Variants in CTSC observed in about 807,000 individuals in gnomAD.
CTSC encodes cathepsin C, also known as dipeptidyl peptidase 1.
In CTSC, 37 loss-of-function variants were observed where a neutral mutation model predicts 40.9. The ratio of observed to expected loss-of-function variants is 0.91; its 90% CI spans 0.70 to 1.19. The LOEUF (loss-of-function observed/expected upper bound fraction) is 1.19. Among genes scored for constraint, CTSC ranks in the 50% most tolerant of loss-of-function variants. The pLI is 0.00. For missense variants in CTSC, 594 were observed against 567.3 expected, an observed-to-expected ratio of 1.05 and a Z score of -0.48; for synonymous variants, 232 against 207.4, an observed-to-expected ratio of 1.12 and a Z score of -1.02.
chr11:88,317,103 A>T (rs987359490), intron 2 of CTSC, among the ~76,000 whole-genome samples: 2 of 151,960 alleles, frequency 1.3e-5, no homozygotes, highest in African/African-American at 4.8e-5. Context: ...AGTAGCTGGG[A>T]TTACAGGCAT....
chr11:88,306,720 G>A (rs1322515591), intron 4 of CTSC, among the ~76,000 whole-genome samples: 3 of 151,928 alleles, frequency 2.0e-5, no homozygotes, highest in Non-Finnish European at 4.4e-5. Flanking sequence ...TCCAGCCCAC[G>A]TGTGATCCAA....
At position 88,294,031 on chromosome 11, in the gene CTSC, G is replaced by T. The variant is rs988500223; in HGVS notation, c.1367C>A (p.Ala456Glu). 6.2e-7 allele frequency: 1 copy of T among 1,613,868 alleles called. No individual in the cohort carries two copies. Among genetic ancestry groups the T allele is most frequent in the African/African-American group, 1.3e-5 (1 of 74,868 alleles). ...DECAIESIAVAATPIPKL is the reference protein window; with the variant it reads ...DECAIESIAVEATPIPKL ...CTACAATTTAGGAATTGGTGTGGCT[G>T]CCACTGCTATGCTCTCAATTGCACA... is the stretch of plus-strand genomic sequence containing the variant. The change falls in exon 7 of 7, where the codon GCA becomes GAA. Residue 456 changes from alanine (A) to glutamate (E), a missense_variant. Transcript: ENST00000227266.
chr11:88,337,382 A>T lies in CTSC; in HGVS notation c.172+119T>A, dbSNP rs538211022. The T allele has an allele frequency of 3.7e-6, 4 of 1,066,832 alleles. No homozygotes were observed. In the Admixed American group the frequency reaches 6.0e-5, roughly 16 times the overall value. 66.1% of individuals were successfully genotyped at this position (1,066,832 alleles called of 1,614,324 possible). Reference sequence around the variant, plus strand: ...TCCCCAAGGGTCCCCGAATCCAGTCAAGATGCTCTGGCCACCCACAAGCGT... The same window carrying T: ...TCCCCAAGGGTCCCCGAATCCAGTCTAGATGCTCTGGCCACCCACAAGCGT... On this transcript the variant is annotated intron_variant, in intron 1 of 6. Transcript: ENST00000227266.
chr11:88,305,677 C>T (rs1937625077), intron 4 of CTSC, among the ~76,000 whole-genome samples: 2 of 152,218 alleles, frequency 1.3e-5, no homozygotes, highest in South Asian at 4.1e-4. Flanking sequence ...AGTGAAAAAT[C>T]AGGAAGCCAG....
At chr11:88,297,972 TAGGAGTC>T (rs1944316324) in intron 5 of CTSC, 1 of 152,212 alleles carries the variant, frequency 6.6e-6, no homozygotes, top group Non-Finnish European at 1.5e-5. Flanking sequence ...CACACTGAAC[TAGGAGTC>T]GGGAGTCAGG....
intron 2 of CTSC, among the ~76,000 whole-genome samples, chr11:88,333,394 T>C (rs372184621): frequency 9.2e-5 from 14 of 152,230 alleles, no homozygotes; most frequent in East Asian, 7.7e-4. Context: ...AGGTGTCTAT[T>C]GTGTGTCAAA....
At chr11:88,307,031 C>T (rs1308782518) in intron 4 of CTSC, among the ~76,000 whole-genome samples, 1 of 152,212 alleles carries the variant, frequency 6.6e-6, no homozygotes, top group African/African-American at 2.4e-5. Context: ...AGCCACACCT[C>T]TGTCATATGC....
intron 2 of CTSC, among the ~76,000 whole-genome samples, chr11:88,326,844 T>C (rs1938207390): frequency 6.6e-6 from 1 of 152,206 alleles, no homozygotes; most frequent in African/African-American, 2.4e-5. Context: ...ATTTATCCCA[T>C]TTACACAACA....
intron 6 of CTSC, among the ~76,000 whole-genome samples, chr11:88,294,865 G>C (rs566205505): frequency 6.6e-6 from 1 of 152,284 alleles, no homozygotes; most frequent in Admixed American, 6.5e-5. Flanking sequence ...TTTCCTCATA[G>C]GGTTAAATTA....
Position 88,312,435 on chromosome 11 carries a change from A to C in CTSC, c.438T>G (p.Ser146=). 1 of 1,614,194 alleles carries C rather than the reference A, an allele frequency of 6.2e-7. No homozygotes were observed. Among genetic ancestry groups the C allele is most frequent in the Non-Finnish European group, 8.5e-7 (1 of 1,180,016 alleles). ...GTGCTATGTTGACATACACATTCTC[A>C]GAGGCAGTTCCCACCTTCTTTCCGG... The part of the protein sequence containing the change: ...CFTGKKVGTA[S]ENVYVNIAHL... The change falls in exon 3 of 7, where the codon TCT becomes TCG. Residue 146 remains serine (S), a synonymous_variant. Coordinates refer to ENST00000227266, the MANE Select transcript of CTSC (RefSeq NM_001814.6).
chr11:88,329,276 G>A (rs1938274847), intron 2 of CTSC, among the ~76,000 whole-genome samples: 2 of 151,958 alleles, frequency 1.3e-5, no homozygotes, highest in South Asian at 4.1e-4. Context: ...GGGGTCAGGA[G>A]TTCAAGACCA....
chr11:88,328,763 G>A (rs1938262636), intron 2 of CTSC, among the ~76,000 whole-genome samples: 1 of 152,070 alleles, frequency 6.6e-6, no homozygotes, highest in Non-Finnish European at 1.5e-5. Flanking sequence ...AGGTGGCTGA[G>A]ACTATAGGCG....
In CTSC at chr11:88,294,402, T is replaced by C. The variant is rs948370541; in HGVS notation, c.996A>G (p.Lys332=). The C allele has an allele frequency of 1.2e-6, 2 of 1,614,114 alleles. No individual in the cohort carries two copies. Among genetic ancestry groups the C allele is most frequent in the Non-Finnish European group, 1.7e-6 (2 of 1,180,012 alleles). Reference sequence around the variant, plus strand: ...AATAACGAAAGCAGTCTTCCTTCATTTTGCATGGAGAATCAGTGCCTGTGT... The same window carrying C: ...AATAACGAAAGCAGTCTTCCTTCATCTTGCATGGAGAATCAGTGCCTGTGT... ...FPYTGTDSPC[K]MKEDCFRYYS... Residue 332 remains lysine (K), a synonymous_variant, in exon 7 of 7, where the codon AAA becomes AAG. Transcript: ENST00000227266.
At position 88,318,797 on chromosome 11, in the gene CTSC, T is replaced by A. The variant is rs551195731; in HGVS notation, c.319-6243A>T. Among the ~76,000 whole-genome samples the A allele has an allele frequency of 2.0e-5, 3 of 152,184 alleles. No individual in the cohort carries two copies. The East Asian group carries it at 5.8e-4, about 29-fold the overall frequency. On this transcript the variant is annotated intron_variant, in intron 2 of 6. Transcript: ENST00000227266. ...GGCACACGCCTGTAATCCCAGCTAC[T>A]TGGGAGGATGAGGCAGAAGAATCCT...
At chr11:88,305,152 A>C (rs961960390) in intron 4 of CTSC, among the ~76,000 whole-genome samples, 11 of 152,206 alleles carry the variant, frequency 7.2e-5, no homozygotes, top group African/African-American at 2.2e-4. Context: ...TGGTCTAAAA[A>C]GGGGAGGCAT....
intron 5 of CTSC, chr11:88,299,468 G>A (rs1042502459): frequency 3.9e-5 from 6 of 152,166 alleles, no homozygotes; most frequent in Non-Finnish European, 8.8e-5. Flanking sequence ...GCAAAGAGAC[G>A]AGACCCTTGG....
intron 2 of CTSC, among the ~76,000 whole-genome samples, chr11:88,330,648 GA>G (rs1260866441): frequency 2.0e-5 from 3 of 151,878 alleles, no homozygotes; most frequent in Non-Finnish European, 2.9e-5. Flanking sequence ...GTGCCTGGCT[GA>G]AAAAAATATT....
chr11:88,335,996 T>C (rs1938482416), intron 1 of CTSC, among the ~76,000 whole-genome samples: 1 of 152,182 alleles, frequency 6.6e-6, no homozygotes, highest in African/African-American at 2.4e-5. Flanking sequence ...CTGATAGGAA[T>C]GATACGTTTA....
intron 4 of CTSC, among the ~76,000 whole-genome samples, chr11:88,304,231 T>C (rs2134776305): frequency 6.6e-6 from 1 of 152,310 alleles, no homozygotes; most frequent in South Asian, 2.1e-4. Context: ...GGTATAATCA[T>C]GCTTACCTCA....
Sources: gnomAD v4.1 joint callset for allele counts (sites outside exome capture counted in the v4.1 genomes callset) on GRCh38, gnomAD v4.1.1 for gene constraint, MANE v1.5 for transcripts, NCBI Gene and HGNC (gene_info 2026-07-23, HGNC 2026-07-21) for gene names.